Variants in CNBD1 observed in about 807,000 individuals in gnomAD.
CNBD1 encodes cyclic nucleotide binding domain containing 1, also known as cyclic nucleotide-binding domain-containing protein 1.
CNBD1 carries 71 observed loss-of-function variants against 54.4 expected under a neutral mutation model. The observed-to-expected ratio is 1.30, with a 90% confidence interval of 1.08 to 1.59. The LOEUF is 1.59. Ranked by LOEUF, CNBD1 falls within the 40% of genes most tolerant of loss-of-function variation. CNBD1 has a pLI of 0.00. For missense variants in CNBD1, 659 were observed against 518.0 expected, an observed-to-expected ratio of 1.27 and a Z score of -2.64; for synonymous variants, 182 against 170.7, an observed-to-expected ratio of 1.07 and a Z score of -0.51.
intron 8 of CNBD1, among the ~76,000 whole-genome samples, chr8:87,309,175 A>G (rs186734883): frequency 2.6e-5 from 4 of 152,278 alleles, no homozygotes; most frequent in African/African-American, 4.8e-5. Flanking sequence ...ACATTTTTAA[A>G]TAATGGCTTT....
intron 4 of CNBD1, among the ~76,000 whole-genome samples, chr8:86,984,830 C>T (rs1450010980): frequency 2.6e-5 from 4 of 152,292 alleles, no homozygotes; most frequent in Non-Finnish European, 5.9e-5. Context: ...AGGGACTTCC[C>T]TTGTCTCAAG....
chr8:87,178,152 AATAC>A (rs1360847800), intron 4 of CNBD1, among the ~76,000 whole-genome samples: 1 of 152,204 alleles, frequency 6.6e-6, no homozygotes, highest in African/African-American at 2.4e-5. Flanking sequence ...TACAGAACTT[AATAC>A]AGACCATCTT....
intron 4 of CNBD1, among the ~76,000 whole-genome samples, chr8:86,976,443 A>T (rs1808344758): frequency 6.6e-6 from 1 of 151,902 alleles, no homozygotes; most frequent in Non-Finnish European, 1.5e-5. Flanking sequence ...ATTATTCTGC[A>T]TGTGGATATC....
chr8:87,341,722 T>C (rs371390756), intron 8 of CNBD1, among the ~76,000 whole-genome samples: 3 of 152,202 alleles, frequency 2.0e-5, no homozygotes, highest in South Asian at 4.1e-4. Context: ...GTGTTTCCTG[T>C]CCTCTGGAGG....
intron 5 of CNBD1, among the ~76,000 whole-genome samples, chr8:87,210,768 C>A (rs1814079961): frequency 6.6e-6 from 1 of 152,164 alleles, no homozygotes; most frequent in African/African-American, 2.4e-5. Context: ...GATGCCCAGG[C>A]AGAAGCCTGC....
chr8:87,092,447 A>ATATACACATATGTGTGTGTGTG, intron 4 of CNBD1, among the ~76,000 whole-genome samples: 1 of 146,480 alleles, frequency 6.8e-6, no homozygotes, highest in East Asian at 2.0e-4. Context: ...GTGTGTATAT[A>ATATACACATATGTGTGTGTGTG]TATACACATA....
intron 8 of CNBD1, among the ~76,000 whole-genome samples, chr8:87,315,366 A>C (rs1281555040): frequency 1.3e-5 from 2 of 151,990 alleles, no homozygotes; most frequent in African/African-American, 2.4e-5. Flanking sequence ...AAGCTAGGTA[A>C]TTTATTTTAA....
chr8:87,028,036 C>T (rs1049727947), intron 4 of CNBD1, among the ~76,000 whole-genome samples: 1 of 152,188 alleles, frequency 6.6e-6, no homozygotes, highest in Non-Finnish European at 1.5e-5. Context: ...TCCCTGGACA[C>T]ACACACACAC....
intron 4 of CNBD1, among the ~76,000 whole-genome samples, chr8:87,092,932 G>T (rs1490393153): frequency 6.6e-6 from 1 of 152,026 alleles, no homozygotes; most frequent in Non-Finnish European, 1.5e-5. Flanking sequence ...TCCCACAGTT[G>T]CAAAAGCCAG....
At chr8:87,261,974 T>C (rs1808148448) in intron 6 of CNBD1, among the ~76,000 whole-genome samples, 1 of 141,958 alleles carries the variant, frequency 7.0e-6, no homozygotes, top group Non-Finnish European at 1.6e-5. Flanking sequence ...GGCAAAACTC[T>C]GTCTTTACAA....
intron 6 of CNBD1, among the ~76,000 whole-genome samples, chr8:87,277,185 A>G (rs1363049526): frequency 1.3e-5 from 2 of 151,646 alleles, no homozygotes; most frequent in Non-Finnish European, 2.9e-5. Context: ...GTGATGTCCA[A>G]GTTTCAGTAT....
At chr8:86,953,605 G>A (rs1219829125) in intron 4 of CNBD1, among the ~76,000 whole-genome samples, 2 of 152,176 alleles carry the variant, frequency 1.3e-5, no homozygotes, top group Non-Finnish European at 2.9e-5. Flanking sequence ...GGTGGCTCAT[G>A]CCTGTAATCC....
At chr8:87,236,247 GA>G (rs1447721490) in intron 5 of CNBD1, among the ~76,000 whole-genome samples, 1 of 152,130 alleles carries the variant, frequency 6.6e-6, no homozygotes, top group Non-Finnish European at 1.5e-5. Flanking sequence ...AAAGGCTTCA[GA>G]AGAACTGGAA....
chr8:87,128,063 A>T (rs886521660), intron 4 of CNBD1, among the ~76,000 whole-genome samples: 1 of 152,108 alleles, frequency 6.6e-6, no homozygotes, highest in African/African-American at 2.4e-5. Context: ...TTGGCTGGGG[A>T]TAGTCAGGGG....
chr8:87,232,380 A>G (rs1462088065), intron 5 of CNBD1, among the ~76,000 whole-genome samples: 2 of 152,124 alleles, frequency 1.3e-5, no homozygotes, highest in Non-Finnish European at 2.9e-5. Context: ...TATAATTTAT[A>G]CTCCCAGTAA....
At chr8:87,123,461 C>A (rs576337759) in intron 4 of CNBD1, among the ~76,000 whole-genome samples, 1 of 151,688 alleles carries the variant, frequency 6.6e-6, no homozygotes, top group Admixed American at 6.6e-5. Flanking sequence ...TATCTTGAGA[C>A]AAATGGAAAC....
chr8:87,411,837 T>C (rs1807751484), intron 2 of CNBD1, among the ~76,000 whole-genome samples: 2 of 151,970 alleles, frequency 1.3e-5, no homozygotes, highest in Non-Finnish European at 2.9e-5. Context: ...ATATCATTTT[T>C]CAATAATAAT....
At chr8:87,240,979 A>G (rs891205799) in intron 6 of CNBD1, among the ~76,000 whole-genome samples, 1 of 152,050 alleles carries the variant, frequency 6.6e-6, no homozygotes, top group Non-Finnish European at 1.5e-5. Flanking sequence ...GGGTCCCCCC[A>G]GTTGATGGGC....
At chr8:87,322,655 G>GT (rs1460464771) in intron 8 of CNBD1, among the ~76,000 whole-genome samples, 12 of 77,812 alleles carry the variant, frequency 1.5e-4, no homozygotes, top group Non-Finnish European at 3.3e-4. Context: ...GGGGTTGTTT[G>GT]TTTTTTTCTT....
Sources: allele counts gnomAD v4.1 joint callset (sites outside exome capture counted in the v4.1 genomes callset), GRCh38; gene constraint gnomAD v4.1.1; transcripts MANE v1.5; gene names NCBI Gene and HGNC (gene_info 2026-07-23, HGNC 2026-07-21).